TNK2: variants seen among roughly 807,000 people sequenced by gnomAD.
TNK2 encodes activated CDC42 kinase 1.
In TNK2, 83 loss-of-function variants were observed where a neutral mutation model predicts 101.8. That is an observed-to-expected ratio of 0.82 (90% CI 0.68 to 0.98). TNK2 has a LOEUF of 0.98. Ranked by LOEUF, TNK2 falls within the 50% of genes least tolerant of loss-of-function variation. The pLI, the probability that TNK2 is intolerant of heterozygous loss-of-function variation, is 0.00. For missense variants in TNK2, 1,665 were observed against 1,483.2 expected (o/e 1.12, Z -2.01); for synonymous variants, 804 against 633.0 (o/e 1.27, Z -4.06).
At position 195,882,686 on chromosome 3, in the gene TNK2, C is replaced by T. The variant is rs542279076; in HGVS notation, c.610-358G>A. Among the ~76,000 whole-genome samples the T allele has an allele frequency of 3.9e-5, 6 of 152,088 alleles. No individual in the cohort carries two copies. In the East Asian group the frequency reaches 7.7e-4, roughly 20 times the overall value. On this transcript the variant is annotated intron_variant, in intron 5 of 15. Coordinates refer to ENST00000672887, the MANE Select transcript of TNK2 (RefSeq NM_001382273.1). The surrounding 1 kb of genome is among the most constrained non-coding windows in gnomAD (Gnocchi z 4.2). Reference sequence around the variant, plus strand: ...CAGCCTGGCCAACATGGTGAAACCCCGTCTCTACTAAAAATACAAAAATTA... The same window carrying T: ...CAGCCTGGCCAACATGGTGAAACCCTGTCTCTACTAAAAATACAAAAATTA...
chr3:195,888,246 C>G lies in TNK2; in HGVS notation c.163+180G>C, dbSNP rs1756978916. ...GGGAAGGCCTCACTCTCCTCAAACT[C>G]CAATTCACCTTTATAACTGCCAACT... On this transcript the variant is annotated intron_variant, in intron 2 of 15. Transcript: ENST00000672887. The surrounding 1 kb of genome is among the most constrained non-coding windows in gnomAD (Gnocchi z 5.3). 6.6e-6 allele frequency among the ~76,000 whole-genome samples: 1 copy of G among 152,158 alleles called. No individual in the cohort carries two copies. Among genetic ancestry groups the G allele is most frequent in the Non-Finnish European group, 1.5e-5 (1 of 68,016 alleles).
At chr3:195,872,520 C>G in intron 9 of TNK2, 50 bp from the exon 10 acceptor site, 2 of 1,532,844 alleles carry the variant, frequency 1.3e-6, no homozygotes, top group South Asian at 1.3e-5. Context: ...GGGGCAGCCC[C>G]GGCACTGGGA....
At chr3:195,869,886 C>T (rs373413521) in intron 11 of TNK2, 28 of 552,636 alleles carry the variant, frequency 5.1e-5, no homozygotes, top group South Asian at 7.7e-5. Context: ...GACGCCGGGG[C>T]GGACGGGCCT....
Position 195,885,503 on chromosome 3 carries a change from G to A in TNK2, c.235-470C>T, listed in dbSNP as rs1256907949. 1 of 1,295,448 alleles carries A rather than the reference G, an allele frequency of 7.7e-7. No individual in the cohort carries two copies. Among genetic ancestry groups the A allele is most frequent in the South Asian group, 1.2e-5 (1 of 81,086 alleles). 80.2% of individuals were successfully genotyped at this position (1,295,448 alleles called of 1,614,324 possible). A position where few individuals can be genotyped will look rare whatever the true frequency, so the allele number is the denominator to read the frequency against. ...TTCTCTGGCCTGACCATTTGGTGCT[G>A]TCTGTCTCCACCCTCACCAGGGAGT... is the stretch of plus-strand genomic sequence containing the variant. On this transcript the variant is annotated intron_variant, in intron 3 of 15. Coordinates refer to ENST00000672887, the MANE Select transcript of TNK2 (RefSeq NM_001382273.1). This position sits in a 1 kb window ranked among gnomAD's most constrained non-coding sequence, Gnocchi z 4.7.
intron 9 of TNK2, among the ~76,000 whole-genome samples, chr3:195,875,445 G>A (rs1485500591): frequency 6.8e-6 from 1 of 147,086 alleles, no homozygotes; most frequent in African/African-American, 2.6e-5. Context: ...TGGCGCCCAC[G>A]CACGCTCGGA....
Position 195,887,939 on chromosome 3 carries a change from T to C in TNK2, c.163+487A>G, listed in dbSNP as rs542470537. Among the ~76,000 whole-genome samples the C allele has an allele frequency of 5.9e-3, 688 of 116,738 alleles. 8 individuals carry two copies. The highest frequency in any genetic ancestry group is 0.026 in the African/African-American group (663 of 25,278). 76.6% of individuals were successfully genotyped at this position (116,738 alleles called of 152,430 possible). On this transcript the variant is annotated intron_variant, in intron 2 of 15. Transcript: ENST00000672887. ...ATGCGTGCGTGCACGTGTGTGCGCA[T>C]GTGCGTGTGTGCCTGCGTGTGTGTG...
In TNK2 at chr3:195,878,437, G is replaced by A. The variant is rs762487391; in HGVS notation, c.1161+9C>T. ...CACCCCAGCTCTCCTGGGCTGACCT[G>A]TCCCTCACCTCCAGCAGGAAGTCCC... On this transcript the variant is annotated intron_variant, in intron 8 of 15. Coordinates refer to ENST00000672887, the MANE Select transcript of TNK2 (RefSeq NM_001382273.1). This position sits in a 1 kb window ranked among gnomAD's most constrained non-coding sequence, Gnocchi z 4.7. 1.8e-5 allele frequency: 29 copies of A among 1,613,786 alleles called. No individual in the cohort carries two copies. The highest frequency in any genetic ancestry group is 3.3e-4 in the Middle Eastern group (2 of 6,084).
chr3:195,899,824 G>A (rs897134273), intron 1 of TNK2, among the ~76,000 whole-genome samples: 3 of 148,546 alleles, frequency 2.0e-5, no homozygotes. Context: ...GGCCCTGGGT[G>A]TGTCTGCTGA....
At chr3:195,906,160 G>A (rs1248693962) in intron 1 of TNK2, among the ~76,000 whole-genome samples, 1 of 152,166 alleles carries the variant, frequency 6.6e-6, no homozygotes, top group African/African-American at 2.4e-5. Context: ...ATTAGAGACT[G>A]ACCACATCGA....
chr3:195,876,154 C>T (rs1317628706), intron 9 of TNK2, among the ~76,000 whole-genome samples: 1 of 152,166 alleles, frequency 6.6e-6, no homozygotes, highest in Admixed American at 6.5e-5. Flanking sequence ...CTGCCAGCCA[C>T]CCCTTCCTCC....
At chr3:195,873,308 G>A (rs576900416) in intron 9 of TNK2, among the ~76,000 whole-genome samples, 61 of 152,352 alleles carry the variant, frequency 4.0e-4, no homozygotes, top group African/African-American at 1.4e-3. Context: ...AGGCCAGGAA[G>A]CACAGGGCTC....
chr3:195,873,140 C>T (rs112288459), intron 9 of TNK2, among the ~76,000 whole-genome samples: 5 of 152,348 alleles, frequency 3.3e-5, no homozygotes, highest in African/African-American at 1.2e-4. Context: ...CCCGTCTCCT[C>T]AGGAGGGGCT....
At chr3:195,895,161 C>T in intron 1 of TNK2, 1 of 1,321,396 alleles carries the variant, frequency 7.6e-7, no homozygotes, top group Non-Finnish European at 1.0e-6. Flanking sequence ...GAGGCCGCCG[C>T]AGGGGGCAGG....
intron 1 of TNK2, chr3:195,908,205 TG>T: frequency 6.4e-6 from 1 of 155,868 alleles, no homozygotes; most frequent in South Asian, 2.0e-4. Context: ...AGCTCCTCCC[TG>T]GGGCTACCCC....
At chr3:195,891,855 C>G in intron 1 of TNK2, 4 of 944,342 alleles carry the variant, frequency 4.2e-6, no homozygotes, top group Non-Finnish European at 5.0e-6. Context: ...TCCCCTGAAG[C>G]TCTTCAGAAA....
chr3:195,878,304 G>A lies in TNK2; in HGVS notation c.1205C>T (p.Pro402Leu), dbSNP rs148791867. Reference protein sequence around the residue: ...DMRALQDFEEPDKLHIQMNDV... With the variant: ...DMRALQDFEELDKLHIQMNDV... ...ATTCATCTGGATGTGCAGCTTGTCC[G>A]GTTCCTCAAAGTCCTGAAGGGCCCG... is the stretch of plus-strand genomic sequence containing the variant. The change falls in exon 9 of 16, where the codon CCG (proline) becomes CTG (leucine). Residue 402 changes from proline to leucine, a missense_variant. Physicochemically the swap from Pro to Leu is moderately conservative, Grantham distance 98 (BLOSUM62 -3). Coordinates refer to ENST00000672887, the MANE Select transcript of TNK2 (RefSeq NM_001382273.1). This position sits in a 1 kb window ranked among gnomAD's most constrained non-coding sequence, Gnocchi z 4.7. 26 of 1,614,064 alleles carry A rather than the reference G, an allele frequency of 1.6e-5. No individual in the cohort carries two copies. The highest frequency in any genetic ancestry group is 1.3e-4 in the East Asian group (6 of 44,862).
Position 195,867,985 on chromosome 3 carries a change from C to G in TNK2, c.2313G>C (p.Leu771=), listed in dbSNP as rs1011257578. Residue 771 remains leucine (L), a synonymous_variant, in exon 13 of 16, where the codon CTG becomes CTC. Coordinates refer to ENST00000672887, the MANE Select transcript of TNK2 (RefSeq NM_001382273.1). ...CCTCCTCGCCCGGGGGGGCTGGAGA[C>G]AGCTGGACGTGTGGGCGCGTGGGCC... ...PPRPTRPHVQ[L]SPAPPGEEET... is the part of the protein sequence containing the mutation. 1 of 1,557,916 alleles carries G rather than the reference C, an allele frequency of 6.4e-7. No individual in the cohort carries two copies. Among genetic ancestry groups the G allele is most frequent in the Non-Finnish European group, 8.6e-7 (1 of 1,162,226 alleles).
chr3:195,906,393 G>A (rs1013620322), intron 1 of TNK2, among the ~76,000 whole-genome samples: 10 of 152,176 alleles, frequency 6.6e-5, no homozygotes, highest in Non-Finnish European at 1.3e-4. Context: ...AGCTTTCTCT[G>A]AAAACCCATC....
rs1757146329 is a variant in TNK2 at position 195,888,650 on chromosome 3, C to T, written c.-18-44G>A. On this transcript the variant is annotated intron_variant, in intron 1 of 15. Transcript: ENST00000672887. The surrounding 1 kb of genome is among the most constrained non-coding windows in gnomAD (Gnocchi z 5.3). ...CTCAGGGACAAGGGTTGTGGGGGGA[C>T]AACAGGGGCCTGCCCGAGTGACCTG... 6.4e-7 allele frequency: 1 copy of T among 1,550,942 alleles called. No homozygotes were observed. Among genetic ancestry groups the T allele is most frequent in the East Asian group, 2.3e-5 (1 of 43,496 alleles).
Sources: allele counts gnomAD v4.1 joint callset (sites outside exome capture counted in the v4.1 genomes callset), GRCh38; gene constraint gnomAD v4.1.1; non-coding constraint Gnocchi (gnomAD v3.1); transcripts MANE v1.5; gene names NCBI Gene and HGNC (gene_info 2026-07-23, HGNC 2026-07-21).